Variants in FN3KRP observed in about 807,000 individuals in gnomAD.
FN3KRP encodes the protein ketosamine-3-kinase.
In FN3KRP, 33 loss-of-function variants were observed where a neutral mutation model predicts 29.8. The ratio of observed to expected loss-of-function variants is 1.11; its 90% CI spans 0.84 to 1.48. The LOEUF (loss-of-function observed/expected upper bound fraction) is 1.48. Among genes scored for constraint, FN3KRP ranks in the 40% most tolerant of loss-of-function variants. The probability of loss-of-function intolerance (pLI) is 0.00; values close to 1 mark genes in which losing one functional copy is unlikely to be tolerated. For synonymous variants in FN3KRP, 157 were observed against 155.2 expected (o/e 1.01, Z -0.09); for missense variants, 430 against 402.6 (o/e 1.07, Z -0.58).
chr17:82,723,926 C>G (rs1175371206), intron 4 of FN3KRP, among the ~76,000 whole-genome samples: 1 of 151,776 alleles, frequency 6.6e-6, no homozygotes, highest in African/African-American at 2.4e-5. Context: ...CAGCTCTGGC[C>G]TCAGTACTCC....
chr17:82,723,013 C>G (rs1435239613), intron 4 of FN3KRP, 127 bp downstream of exon 4: 1 of 842,824 alleles, frequency 1.2e-6, no homozygotes, highest in Non-Finnish European at 1.8e-6. Flanking sequence ...TTTTTCTTTG[C>G]TGATGTTTGA....
intron 4 of FN3KRP, among the ~76,000 whole-genome samples, chr17:82,723,346 G>A (rs938720205): frequency 6.6e-6 from 1 of 152,110 alleles, no homozygotes; most frequent in Non-Finnish European, 1.5e-5. Flanking sequence ...GTTTCCTGGC[G>A]GGCGCGGGGG....
At position 82,726,568 on chromosome 17, in the gene FN3KRP, A is replaced by G. The variant is rs376595214; in HGVS notation, c.557A>G (p.Asp186Gly). The change falls in exon 5 of 6, where the codon GAC becomes GGC. Residue 186 changes from aspartate (D) to glycine (G), a missense_variant. Physicochemically the swap from Asp to Gly is moderately conservative, Grantham distance 94. Coordinates refer to ENST00000269373, the MANE Select transcript of FN3KRP (RefSeq NM_024619.4). ...GACATGGTGGAGAAGGAGTCTGGGG[A>G]CAGGGAGGCCCTCCAGCTTTGGTCT... The part of the protein sequence containing the change: ...QMDMVEKESG[D>G]REALQLWSAL... The G allele has an allele frequency of 2.5e-6, 4 of 1,613,998 alleles. No homozygotes were observed. The highest frequency in any genetic ancestry group is 2.5e-6 in the Non-Finnish European group (3 of 1,179,962).
intron 1 of FN3KRP, 117 bp downstream of exon 1, chr17:82,717,013 G>C (rs955921514): frequency 7.9e-7 from 1 of 1,269,040 alleles, no homozygotes; most frequent in Non-Finnish European, 1.1e-6. Context: ...GGCTCTCCCG[G>C]GACTGCCGCC....
At position 82,716,930 on chromosome 17, in the gene FN3KRP, G is replaced by T. The variant is rs759137629; in HGVS notation, c.141+34G>T. On this transcript the variant is annotated intron_variant, in intron 1 of 5. Coordinates refer to ENST00000269373, the MANE Select transcript of FN3KRP (RefSeq NM_024619.4). ...GCGGGTCGGGCGGGCCGGGGGACCG[G>T]TTTCTTTCCGGAGAGGGTCGCGGGC... 7 of 1,557,546 alleles carry T rather than the reference G, an allele frequency of 4.5e-6. No individual in the cohort carries two copies. In the South Asian group the frequency reaches 4.7e-5, roughly 10 times the overall value.
At position 82,726,919 on chromosome 17, in the gene FN3KRP, T is replaced by C. The variant is rs764443615; in HGVS notation, c.678T>C (p.Asp226=). The change falls in exon 6 of 6, where the codon GAT becomes GAC. Residue 226 remains aspartate, a synonymous_variant. Transcript: ENST00000269373. ...GDLWGGNVAE[D]SSGPVIFDPA... ...TCTGGGGTGGAAACGTAGCAGAGGA[T>C]TCCTCTGGGCCGGTGATTTTTGACC... The C allele has an allele frequency of 8.1e-6, 13 of 1,609,678 alleles. No homozygotes were observed. Among genetic ancestry groups the C allele is most frequent in the Admixed American group, 5.1e-5 (3 of 59,392 alleles).
chr17:82,722,020 G>C (rs1021000062), intron 3 of FN3KRP, among the ~76,000 whole-genome samples: 1 of 150,880 alleles, frequency 6.6e-6, no homozygotes, highest in Admixed American at 6.6e-5. Context: ...TTGTAGTAGA[G>C]ATGGGGTTTC....
intron 2 of FN3KRP, 50 bp from the exon 3 acceptor site, chr17:82,720,222 G>A (rs2046788822): frequency 6.8e-7 from 1 of 1,478,664 alleles, no homozygotes. Context: ...CAGTGGGTGT[G>A]TTGCCATTCT....
At position 82,720,316 on chromosome 17, in the gene FN3KRP, A is replaced by G; in HGVS notation, c.338A>G (p.Asp113Gly). ...LGAQLADLHL[D>G]NKKLGEMRLK... Reference sequence around the variant, plus strand: ...GCCCAGCTGGCCGATTTACACCTTGATAACAAGAAGCTTGGAGAGATGCGC... The same window carrying G: ...GCCCAGCTGGCCGATTTACACCTTGGTAACAAGAAGCTTGGAGAGATGCGC... The change falls in exon 3 of 6, where the codon GAT becomes GGT. Residue 113 changes from aspartate (D) to glycine (G), a missense_variant. Coordinates refer to ENST00000269373, the MANE Select transcript of FN3KRP (RefSeq NM_024619.4). 1.9e-6 allele frequency: 3 copies of G among 1,614,108 alleles called. No individual in the cohort carries two copies. The highest frequency in any genetic ancestry group is 1.7e-6 in the Non-Finnish European group (2 of 1,180,014).
chr17:82,726,850 G>C lies in FN3KRP; in HGVS notation c.609G>C (p.Leu203=). ...CCCTGCAGTTAAAGATCCCTGACCT[G>C]TTCCGTGACCTGGAGATCATCCCAG... The part of the protein sequence containing the change: ...WSALQLKIPD[L]FRDLEIIPAL... The change falls in exon 6 of 6, where the codon CTG becomes CTC. Residue 203 remains leucine (L), a synonymous_variant. Coordinates refer to ENST00000269373, the MANE Select transcript of FN3KRP (RefSeq NM_024619.4). The C allele has an allele frequency of 6.5e-7, 1 of 1,547,016 alleles. No homozygotes were observed. Among genetic ancestry groups the C allele is most frequent in the Non-Finnish European group, 8.7e-7 (1 of 1,148,950 alleles).
intron 3 of FN3KRP, among the ~76,000 whole-genome samples, chr17:82,721,829 T>G (rs559600002): frequency 5.3e-4 from 79 of 150,194 alleles, no homozygotes; most frequent in Non-Finnish European, 9.8e-4. Flanking sequence ...GTTTTTTATG[T>G]TTTGTTTTGT....
Position 82,727,006 on chromosome 17 carries a change from T to C in FN3KRP, c.765T>C (p.Phe255=), listed in dbSNP as rs757586071. ...CAATAGCTGGCATGTTTGGGGGCTT[T>C]AGCAGCTCCTTTTACTCCGCCTACC... The part of the protein sequence containing the change: ...ELAIAGMFGG[F]SSSFYSAYHG... Residue 255 remains phenylalanine, a synonymous_variant, in exon 6 of 6, where the codon TTT becomes TTC. Coordinates refer to ENST00000269373, the MANE Select transcript of FN3KRP (RefSeq NM_024619.4). 9 of 1,614,042 alleles carry C rather than the reference T, an allele frequency of 5.6e-6. No homozygotes were observed. In the East Asian group the frequency reaches 1.8e-4, roughly 32 times the overall value.
At position 82,726,763 on chromosome 17, in the gene FN3KRP, G is replaced by A. The variant is rs1042404073; in HGVS notation, c.592-70G>A. 1.0e-4 allele frequency: 150 copies of A among 1,490,196 alleles called. No individual in the cohort carries two copies. The African/African-American group carries it at 1.3e-3, about 13-fold the overall frequency. 92.3% of individuals were successfully genotyped at this position (1,490,196 alleles called of 1,614,324 possible). ...CGCTGCTGCCTGGGCTGGGGGCGGT[G>A]GGGACCTGGAGCGGCGCCCCTCATG... On this transcript the variant is annotated intron_variant, in intron 5 of 5. Coordinates refer to ENST00000269373, the MANE Select transcript of FN3KRP (RefSeq NM_024619.4).
rs1568062737 is a variant in FN3KRP at position 82,726,612 on chromosome 17, G to A, written c.591+10G>A. ...TTGGTCTGCTCTGCAGGTGAGTGGG[G>A]CCCCACTGCATGCCCAGCACCTGCC... On this transcript the variant is annotated intron_variant, in intron 5 of 5. Coordinates refer to ENST00000269373, the MANE Select transcript of FN3KRP (RefSeq NM_024619.4). The A allele has an allele frequency of 6.2e-7, 1 of 1,607,562 alleles. No individual in the cohort carries two copies. The highest frequency in any genetic ancestry group is 2.2e-5 in the East Asian group (1 of 44,836).
intron 2 of FN3KRP, 36 bp from the exon 3 acceptor site, chr17:82,720,236 T>G (rs2046788949): frequency 6.4e-7 from 1 of 1,559,672 alleles, no homozygotes; most frequent in Non-Finnish European, 8.8e-7. Flanking sequence ...CCATTCTGTG[T>G]GTCATCTGTT....
intron 1 of FN3KRP, chr17:82,718,469 C>G: frequency 2.0e-6 from 2 of 989,750 alleles, no homozygotes; most frequent in Non-Finnish European, 2.4e-6. Context: ...AGGTCACTGG[C>G]ATAGGCAGCC....
Position 82,722,903 on chromosome 17 carries a change from T to G in FN3KRP, c.468+17T>G. On this transcript the variant is annotated intron_variant, in intron 4 of 5. Transcript: ENST00000269373. ...CTCCCCCAGGTGAGTGCACGGCGTT[T>G]GCTTCTATTTCACAATCAGGTCAGC... is the stretch of plus-strand genomic sequence containing the variant. 1 of 1,610,970 alleles carries G rather than the reference T, an allele frequency of 6.2e-7. No individual in the cohort carries two copies. The highest frequency in any genetic ancestry group is 8.5e-7 in the Non-Finnish European group (1 of 1,177,580).
chr17:82,726,606 A>C lies in FN3KRP; in HGVS notation c.591+4A>C. 1 of 1,609,754 alleles carries C rather than the reference A, an allele frequency of 6.2e-7. No homozygotes were observed. Among genetic ancestry groups the C allele is most frequent in the Non-Finnish European group, 8.5e-7 (1 of 1,177,936 alleles). On this transcript the variant is annotated splice_donor_region_variant and intron_variant, in intron 5 of 5. Coordinates refer to ENST00000269373, the MANE Select transcript of FN3KRP (RefSeq NM_024619.4). ...CCAGCTTTGGTCTGCTCTGCAGGTGAGTGGGGCCCCACTGCATGCCCAGCA... is the reference window on the plus strand; with the variant it reads ...CCAGCTTTGGTCTGCTCTGCAGGTGCGTGGGGCCCCACTGCATGCCCAGCA...
intron 1 of FN3KRP, among the ~76,000 whole-genome samples, 155 bp downstream of exon 1, chr17:82,717,051 C>A (rs548379910): frequency 1.3e-5 from 2 of 152,292 alleles, no homozygotes; most frequent in East Asian, 3.9e-4. Flanking sequence ...ACCCTTTGCG[C>A]GGGGCGAGCG....
Sources: allele counts gnomAD v4.1 joint callset (sites outside exome capture counted in the v4.1 genomes callset), GRCh38; gene constraint gnomAD v4.1.1; transcripts MANE v1.5; gene names NCBI Gene and HGNC (gene_info 2026-07-23, HGNC 2026-07-21).